CDH18: variants seen among roughly 807,000 people sequenced by gnomAD.
CDH18 encodes cadherin 18.
Under a neutral mutation model 67.9 loss-of-function variants are expected in CDH18, and 31 were observed. The ratio of observed to expected loss-of-function variants is 0.46; its 90% CI spans 0.34 to 0.62. CDH18 has a LOEUF of 0.62. CDH18 is among the 20% of genes least tolerant of loss of function. CDH18 has a pLI of 0.01. For missense variants in CDH18, 890 were observed against 975.5 expected (o/e 0.91, Z 1.17); for synonymous variants, 362 against 347.2 (o/e 1.04, Z -0.48).
intron 7 of CDH18, among the ~76,000 whole-genome samples, chr5:19,588,908 GAAA>G (rs1184971770): frequency 6.6e-6 from 1 of 152,070 alleles, no homozygotes; most frequent in African/African-American, 2.4e-5. Flanking sequence ...CAAGCTCTTA[GAAA>G]CCTTCAAAGA....
At chr5:19,968,500 G>A (rs1209858712) in intron 2 of CDH18, among the ~76,000 whole-genome samples, 3 of 151,810 alleles carry the variant, frequency 2.0e-5, no homozygotes, top group Non-Finnish European at 4.4e-5. Flanking sequence ...CAGAGATATA[G>A]ATCAATGGAA....
intron 1 of CDH18, among the ~76,000 whole-genome samples, chr5:20,270,171 A>G (rs147420626): frequency 2.3e-3 from 346 of 152,234 alleles, no homozygotes; most frequent in Non-Finnish European, 3.9e-3. Flanking sequence ...AAAAAAAAGA[A>G]TAAAGACATA....
At chr5:19,807,311 A>G (rs952157215) in intron 3 of CDH18, among the ~76,000 whole-genome samples, 4 of 152,132 alleles carry the variant, frequency 2.6e-5, no homozygotes, top group Admixed American at 2.6e-4. Context: ...TGCACATAAA[A>G]CTTTAAATAA....
At chr5:20,530,483 A>G (rs567545684) in intron 1 of CDH18, among the ~76,000 whole-genome samples, 2 of 152,084 alleles carry the variant, frequency 1.3e-5, no homozygotes, top group Non-Finnish European at 2.9e-5. Flanking sequence ...CCTGACTTCA[A>G]ACTATACTAC....
intron 8 of CDH18, among the ~76,000 whole-genome samples, chr5:19,544,469 AAACATTTATATTTATT>A (rs1735974201): frequency 6.6e-6 from 1 of 152,198 alleles, no homozygotes; most frequent in South Asian, 2.1e-4. Flanking sequence ...ATGAAAAACA[AAACATTTATATTTATT>A]AACATTGTAC....
chr5:20,053,782 T>C (rs1179821473), intron 2 of CDH18, among the ~76,000 whole-genome samples: 1 of 152,048 alleles, frequency 6.6e-6, no homozygotes, highest in African/African-American at 2.4e-5. Context: ...CCCACCTCAT[T>C]CTCAAAACCA....
At chr5:20,289,225 C>T (rs967606796) in intron 1 of CDH18, among the ~76,000 whole-genome samples, 34 of 151,916 alleles carry the variant, frequency 2.2e-4, no homozygotes, top group Admixed American at 4.6e-4. Context: ...TATAGTAACT[C>T]ATTTAATATT....
intron 2 of CDH18, among the ~76,000 whole-genome samples, chr5:20,114,647 T>C (rs1049325887): frequency 6.6e-6 from 1 of 152,188 alleles, no homozygotes; most frequent in Non-Finnish European, 1.5e-5. Context: ...AATTTTTTCA[T>C]GTGAGGGTAT....
At chr5:19,744,541 T>C (rs1429235959) in intron 4 of CDH18, among the ~76,000 whole-genome samples, 2 of 120,904 alleles carry the variant, frequency 1.7e-5, no homozygotes, top group East Asian at 2.4e-4. Flanking sequence ...CACACACACA[T>C]CTATTCCAGA....
At chr5:20,257,961 A>G (rs1178494131) in intron 1 of CDH18, among the ~76,000 whole-genome samples, 1 of 151,924 alleles carries the variant, frequency 6.6e-6, no homozygotes, top group Non-Finnish European at 1.5e-5. Context: ...ACGTAGTTGT[A>G]CAAAATGTAT....
chr5:19,873,650 C>CT (rs546444875), intron 2 of CDH18, among the ~76,000 whole-genome samples: 30 of 150,224 alleles, frequency 2.0e-4, no homozygotes, highest in Admixed American at 1.0e-3. Context: ...TCAAAAAAAA[C>CT]TTTTTTTTTT....
chr5:20,264,182 A>G (rs910067196), intron 1 of CDH18, among the ~76,000 whole-genome samples: 8 of 152,088 alleles, frequency 5.3e-5, no homozygotes, highest in Non-Finnish European at 8.8e-5. Flanking sequence ...AGATATAATA[A>G]TGCTTCAGTT....
intron 5 of CDH18, among the ~76,000 whole-genome samples, chr5:19,612,912 G>T (rs1324400833): frequency 6.6e-6 from 1 of 151,966 alleles, no homozygotes; most frequent in African/African-American, 2.4e-5. Flanking sequence ...AGGCCAAGGC[G>T]GGTGGATCAC....
chr5:19,939,150 C>T (rs1035891189), intron 2 of CDH18, among the ~76,000 whole-genome samples: 1 of 151,324 alleles, frequency 6.6e-6, no homozygotes, highest in African/African-American at 2.4e-5. Flanking sequence ...AATGAAAAAT[C>T]TTTTTTGTTA....
In CDH18 at chr5:19,779,210, A is replaced by G. The variant is rs6885635; in HGVS notation, c.229-31974T>C. ...AAGTTAATAGCAGACAGAGACTCACATTAAGGATTCTACAATGTGTACATC... is the reference window on the plus strand; with the variant it reads ...AAGTTAATAGCAGACAGAGACTCACGTTAAGGATTCTACAATGTGTACATC... On this transcript the variant is annotated intron_variant, in intron 3 of 12. Transcript: ENST00000382275. 1.9e-3 allele frequency among the ~76,000 whole-genome samples: 282 copies of G among 152,300 alleles called. 1 individual carries two copies. The highest frequency in any genetic ancestry group is 6.7e-3 in the African/African-American group (277 of 41,580).
At chr5:19,886,457 A>G (rs1039812973) in intron 2 of CDH18, among the ~76,000 whole-genome samples, 2 of 152,174 alleles carry the variant, frequency 1.3e-5, no homozygotes, top group African/African-American at 4.8e-5. Flanking sequence ...GTTGCCAAAT[A>G]TGAAGAAGCA....
rs184245362 is a variant in CDH18, at chr5:20,439,884, G to A, written c.-580+135578C>T. ...TGAAATTTATTATACGGCTTTTGAA[G>A]TACTTCCAAAAATGGATTATTTATT... On this transcript the variant is annotated intron_variant, in intron 1 of 14. Transcript: ENST00000507958. Among the ~76,000 whole-genome samples, 114 of 151,774 alleles carry A rather than the reference G, an allele frequency of 7.5e-4. 2 individuals are homozygous for A. The highest frequency in any genetic ancestry group is 3.4e-3 in the Middle Eastern group (1 of 294).
At chr5:19,728,147 G>A (rs1767105541) in intron 4 of CDH18, among the ~76,000 whole-genome samples, 1 of 151,974 alleles carries the variant, frequency 6.6e-6, no homozygotes, top group Admixed American at 6.6e-5. Context: ...TTTTCTCTGG[G>A]AATTATTATA....
chr5:19,670,135 T>A lies in CDH18; in HGVS notation c.643+51212A>T, dbSNP rs1758537312. On this transcript the variant is annotated intron_variant, in intron 5 of 12. Coordinates refer to ENST00000382275, the MANE Select transcript of CDH18 (RefSeq NM_004934.5). ...TGGGAAACAATACTCATAGAGAAAA[T>A]TTTGTGCATAGAACTAGCAGGAAAG... is the stretch of plus-strand genomic sequence containing the variant. 2.0e-5 allele frequency among the ~76,000 whole-genome samples: 3 copies of A among 151,888 alleles called. No individual in the cohort carries two copies. In the South Asian group the frequency reaches 6.2e-4, roughly 32 times the overall value.
Sources: gnomAD v4.1 joint callset for allele counts (sites outside exome capture counted in the v4.1 genomes callset) on GRCh38, gnomAD v4.1.1 for gene constraint, MANE v1.5 for transcripts, NCBI Gene and HGNC (gene_info 2026-07-23, HGNC 2026-07-21) for gene names.